CSNK2A2IP: variants seen among roughly 807,000 people sequenced by gnomAD.
The protein encoded by CSNK2A2IP is casein kinase II subunit alpha'-interacting protein.
the CSNK2A2IP span, among the ~76,000 whole-genome samples, chr3:88,464,316 T>TAATA: frequency 6.7e-6 from 1 of 149,000 alleles, no homozygotes; most frequent in African/African-American, 2.4e-5. Flanking sequence ...GGTATAATAA[T>TAATA]AATAAATAAA....
At chr3:88,446,863 A>G in the CSNK2A2IP span, among the ~76,000 whole-genome samples, 1 of 152,230 alleles carries the variant, frequency 6.6e-6, no homozygotes, top group African/African-American at 2.4e-5. Context: ...CCTTATAATT[A>G]ACATAATCAT....
the CSNK2A2IP span, among the ~76,000 whole-genome samples, chr3:88,437,958 G>T: frequency 6.6e-6 from 1 of 152,212 alleles, no homozygotes; most frequent in African/African-American, 2.4e-5. Context: ...GTAGAAATCT[G>T]GAAAGGAATC....
the CSNK2A2IP span, among the ~76,000 whole-genome samples, chr3:88,463,919 T>C: frequency 6.6e-6 from 1 of 151,984 alleles, no homozygotes; most frequent in Non-Finnish European, 1.5e-5. Flanking sequence ...CCAACAATGA[T>C]AGACTGGATT....
the CSNK2A2IP span, among the ~76,000 whole-genome samples, chr3:88,360,642 C>A: frequency 3.9e-5 from 6 of 151,908 alleles, no homozygotes; most frequent in East Asian, 1.9e-4. Context: ...AATAAGAAAA[C>A]TTTCAATGGA....
At chr3:88,426,199 T>C in the CSNK2A2IP span, among the ~76,000 whole-genome samples, 1 of 152,182 alleles carries the variant, frequency 6.6e-6, no homozygotes, top group African/African-American at 2.4e-5. Context: ...TGTTTTTGCT[T>C]TTTTGATATA....
the CSNK2A2IP span, among the ~76,000 whole-genome samples, chr3:88,435,500 A>G: frequency 5.9e-5 from 9 of 152,286 alleles, no homozygotes; most frequent in East Asian, 1.9e-4. Flanking sequence ...TTATCTATCA[A>G]CCAAACTGAG....
the CSNK2A2IP span, among the ~76,000 whole-genome samples, chr3:88,418,463 T>TGTGCGCGCGCGC: frequency 2.5e-3 from 367 of 149,628 alleles, 3 homozygotes; most frequent in African/African-American, 7.2e-3. Flanking sequence ...TGTGTGTGTG[T>TGTGCGCGCGCGC]GCGCGCGGGC....
the CSNK2A2IP span, among the ~76,000 whole-genome samples, chr3:88,357,964 T>C: frequency 2.0e-5 from 3 of 152,114 alleles, no homozygotes; most frequent in Admixed American, 1.3e-4. Flanking sequence ...TAAGCTCAAG[T>C]GTTCTGCCCA....
chr3:88,390,821 T>C, the CSNK2A2IP span, among the ~76,000 whole-genome samples: 10 of 152,318 alleles, frequency 6.6e-5, no homozygotes, highest in South Asian at 1.4e-3. Flanking sequence ...TTTGCTTTTG[T>C]TAGTGTTGCA....
the CSNK2A2IP span, among the ~76,000 whole-genome samples, chr3:88,429,353 G>GC: frequency 6.6e-6 from 1 of 152,104 alleles, no homozygotes; most frequent in Non-Finnish European, 1.5e-5. Context: ...GGCAACCAGT[G>GC]CCCCACAGCA....
chr3:88,367,812 C>G, the CSNK2A2IP span, among the ~76,000 whole-genome samples: 1 of 152,024 alleles, frequency 6.6e-6, no homozygotes, highest in Admixed American at 6.6e-5. Context: ...GCTGGTTGAA[C>G]TAAACCTCAT....
the CSNK2A2IP span, among the ~76,000 whole-genome samples, chr3:88,452,573 A>G: frequency 1.3e-5 from 2 of 152,126 alleles, no homozygotes; most frequent in African/African-American, 4.8e-5. Flanking sequence ...AGTTTCTTCA[A>G]GTTCACTACA....
At chr3:88,346,841 G>T in the CSNK2A2IP span, among the ~76,000 whole-genome samples, 2 of 151,376 alleles carry the variant, frequency 1.3e-5, no homozygotes, top group Non-Finnish European at 2.9e-5. Context: ...ATTTTTTAAG[G>T]AATACATTTT....
At chr3:88,380,117 C>T in the CSNK2A2IP span, among the ~76,000 whole-genome samples, 1 of 152,002 alleles carries the variant, frequency 6.6e-6, no homozygotes, top group African/African-American at 2.4e-5. Context: ...TAATGCAATT[C>T]TCCATTGTTA....
the CSNK2A2IP span, among the ~76,000 whole-genome samples, chr3:88,445,298 A>AAAAAAAAAAAAAAAAAAAAAAAAC: frequency 6.7e-6 from 1 of 148,978 alleles, no homozygotes; most frequent in African/African-American, 2.4e-5. Context: ...AAAAAAAAAA[A>AAAAAAAAAAAAAAAAAAAAAAAAC]AATTAGCCAG....
the CSNK2A2IP span, among the ~76,000 whole-genome samples, chr3:88,413,616 T>C: frequency 6.6e-6 from 1 of 151,958 alleles, no homozygotes; most frequent in African/African-American, 2.4e-5. Context: ...AGTATGTGTG[T>C]GTGTATGTGT....
At chr3:88,461,767 T>G in the CSNK2A2IP span, among the ~76,000 whole-genome samples, 3 of 152,084 alleles carry the variant, frequency 2.0e-5, no homozygotes, top group Non-Finnish European at 4.4e-5. Context: ...TGCACTTTAT[T>G]GATTTTTTAT....
At chr3:88,457,851 G>A in the CSNK2A2IP span, among the ~76,000 whole-genome samples, 1 of 151,674 alleles carries the variant, frequency 6.6e-6, no homozygotes. Context: ...CTTTCTTAAA[G>A]ACTTGATAGG....
the CSNK2A2IP span, among the ~76,000 whole-genome samples, chr3:88,382,082 C>A: frequency 6.6e-6 from 1 of 152,196 alleles, no homozygotes; most frequent in African/African-American, 2.4e-5. Context: ...ATTCTTCACC[C>A]AATTTTCCTG....
Sources: allele counts gnomAD v4.1 joint callset (sites outside exome capture counted in the v4.1 genomes callset), GRCh38; gene constraint gnomAD v4.1.1; transcripts MANE v1.5; gene names NCBI Gene and HGNC (gene_info 2026-07-23, HGNC 2026-07-21).